Variants in EXTL3 observed in about 807,000 individuals in gnomAD.
The protein encoded by EXTL3 is exostosin like glycosyltransferase 3, also known as exostosin-like 3.
A neutral mutation model predicts 69.3 loss-of-function variants in EXTL3; 27 were observed. That is an observed-to-expected ratio of 0.39 (90% confidence interval 0.29 to 0.54). The LOEUF is 0.54. Among genes scored for constraint, EXTL3 ranks in the 20% least tolerant of loss-of-function variants. The pLI is 0.69. For synonymous variants in EXTL3, 511 were observed against 499.4 expected (o/e 1.02, Z -0.31); for missense variants, 1,003 against 1,231.8 (o/e 0.81, Z 2.78).
intron 1 of EXTL3, among the ~76,000 whole-genome samples, chr8:28,655,836 C>T (rs1005194357): frequency 2.2e-4 from 34 of 152,182 alleles, no homozygotes; most frequent in African/African-American, 7.5e-4. Flanking sequence ...CAAGCCCAGG[C>T]ATCACATTTC....
intron 1 of EXTL3, among the ~76,000 whole-genome samples, chr8:28,676,331 C>G (rs1807381947): frequency 6.6e-6 from 1 of 152,126 alleles, no homozygotes; most frequent in Non-Finnish European, 1.5e-5. Flanking sequence ...GTCTATAGGC[C>G]AGACCTTGTG....
intron 1 of EXTL3, among the ~76,000 whole-genome samples, chr8:28,684,721 A>C (rs1178168523): frequency 1.3e-5 from 2 of 152,166 alleles, no homozygotes; most frequent in African/African-American, 2.4e-5. Context: ...CAGCCTGGGC[A>C]ACAGAGTGAG....
chr8:28,643,031 G>A (rs954547059), intron 1 of EXTL3, among the ~76,000 whole-genome samples: 2 of 152,032 alleles, frequency 1.3e-5, no homozygotes, highest in Non-Finnish European at 1.5e-5. Flanking sequence ...ATCACCTGAG[G>A]GCAGGAGTTG....
intron 1 of EXTL3, among the ~76,000 whole-genome samples, chr8:28,659,747 T>C (rs1449535230): frequency 1.3e-5 from 2 of 152,186 alleles, no homozygotes; most frequent in Non-Finnish European, 1.5e-5. Context: ...AAGAGCTGCT[T>C]TTAAGCTTTT....
intron 2 of EXTL3, among the ~76,000 whole-genome samples, chr8:28,612,274 C>A (rs1350040754): frequency 1.3e-5 from 2 of 151,868 alleles, no homozygotes; most frequent in Non-Finnish European, 2.9e-5. Flanking sequence ...GCCAACATGG[C>A]GAAACCCTGT....
At position 28,722,018 on chromosome 8, in the gene EXTL3, G is replaced by A. The variant is rs139671850; in HGVS notation, c.2148+3811G>A. ...GGTTTTCATTCTCTTCTTCATAAAG[G>A]GTATGGCTAATTGACGCAGGGTGCC... is the stretch of plus-strand genomic sequence containing the variant. On this transcript the variant is annotated intron_variant, in intron 3 of 6. Coordinates refer to ENST00000220562, the MANE Select transcript of EXTL3 (RefSeq NM_001440.4). Among the ~76,000 whole-genome samples the A allele has an allele frequency of 2.0e-4, 31 of 152,240 alleles. No individual in the cohort carries two copies. In the East Asian group the frequency reaches 6.0e-3, roughly 29 times the overall value.
At chr8:28,737,461 C>G in intron 4 of EXTL3, 58 bp from the exon 5 acceptor site, 1 of 1,601,024 alleles carries the variant, frequency 6.2e-7, no homozygotes, top group Non-Finnish European at 8.6e-7. Flanking sequence ...ACTGTGAACA[C>G]TTCTGATGAC....
chr8:28,691,572 A>ATTTTTTT (rs71222571), intron 1 of EXTL3, among the ~76,000 whole-genome samples: 1 of 135,494 alleles, frequency 7.4e-6, no homozygotes, highest in Non-Finnish European at 1.5e-5. Context: ...AGTTTTTGTG[A>ATTTTTTT]TTTTTTTTTT....
intron 1 of EXTL3, among the ~76,000 whole-genome samples, chr8:28,703,362 C>G (rs1221738311): frequency 6.6e-6 from 1 of 152,122 alleles, no homozygotes; most frequent in Non-Finnish European, 1.5e-5. Context: ...GATTAGGCCT[C>G]AAGAGTTTTG....
At chr8:28,644,364 G>C (rs758813431) in intron 1 of EXTL3, among the ~76,000 whole-genome samples, 2 of 152,070 alleles carry the variant, frequency 1.3e-5, no homozygotes, top group Non-Finnish European at 2.9e-5. Flanking sequence ...TGTATGCTTG[G>C]ACATAGAATC....
chr8:28,656,534 A>G (rs570068827), intron 1 of EXTL3, among the ~76,000 whole-genome samples: 2 of 152,268 alleles, frequency 1.3e-5, no homozygotes, highest in African/African-American at 4.8e-5. Flanking sequence ...TATAATTTAT[A>G]ATCAAAAGAG....
Position 28,655,416 on chromosome 8 carries a change from G to T in EXTL3, c.-53+32606G>T, listed in dbSNP as rs574636575. Among the ~76,000 whole-genome samples the T allele has an allele frequency of 2.0e-5, 3 of 151,862 alleles. No homozygotes were observed. The South Asian group carries it at 6.2e-4, about 32-fold the overall frequency. On this transcript the variant is annotated intron_variant, in intron 1 of 6. Coordinates refer to the EXTL3 transcript ENST00000523149. ...GATAGAGCTACATTTAAGCCGGAACGATCTGATTCTGAAACCCATGCTCTT... is the reference window on the plus strand; with the variant it reads ...GATAGAGCTACATTTAAGCCGGAACTATCTGATTCTGAAACCCATGCTCTT...
intron 1 of EXTL3, among the ~76,000 whole-genome samples, chr8:28,712,774 T>C (rs1377247315): frequency 3.9e-5 from 6 of 152,244 alleles, no homozygotes; most frequent in Admixed American, 1.3e-4. Flanking sequence ...TGTTGAATTA[T>C]TGGTTTCTGT....
chr8:28,716,338 C>T lies in EXTL3; in HGVS notation c.279C>T (p.Leu93=), dbSNP rs747499791. ...CRIRESVSEE[L]LQLEAKRQEL... is the part of the protein sequence containing the mutation. ...TCCGGGAGTCGGTGAGTGAAGAGCT[C>T]CTGCAGCTGGAGGCCAAGCGCCAAG... Residue 93 remains leucine, a synonymous_variant, in exon 3 of 7, where the codon CTC becomes CTT. Coordinates refer to ENST00000220562, the MANE Select transcript of EXTL3 (RefSeq NM_001440.4). The surrounding 1 kb of genome is among the most constrained non-coding windows in gnomAD (Gnocchi z 7.1). 1.2e-6 allele frequency: 2 copies of T among 1,614,112 alleles called. No homozygotes were observed. Among genetic ancestry groups the T allele is most frequent in the South Asian group, 1.1e-5 (1 of 91,084 alleles).
At chr8:28,749,679 T>TCATG (rs1801965000) in intron 6 of EXTL3, among the ~76,000 whole-genome samples, 3 of 152,186 alleles carry the variant, frequency 2.0e-5, no homozygotes, top group Non-Finnish European at 2.9e-5. Context: ...CATTGTTTAT[T>TCATG]CATGCATGCA....
intron 2 of EXTL3, among the ~76,000 whole-genome samples, chr8:28,610,392 G>A (rs974724533): frequency 2.0e-5 from 3 of 152,052 alleles, no homozygotes; most frequent in Admixed American, 1.3e-4. Context: ...CTTGCATGCT[G>A]GACAGCCACT....
chr8:28,677,529 A>ATTT (rs1807407545), intron 1 of EXTL3, among the ~76,000 whole-genome samples: 2 of 152,318 alleles, frequency 1.3e-5, no homozygotes. Context: ...TATGATCATT[A>ATTT]TTGCAAAATT....
chr8:28,723,032 TAA>T (rs909726383), intron 3 of EXTL3, among the ~76,000 whole-genome samples: 5 of 152,172 alleles, frequency 3.3e-5, no homozygotes, highest in African/African-American at 9.7e-5. Flanking sequence ...CCTCTCAGGC[TAA>T]GAGGCTTGGC....
chr8:28,740,190 T>C (rs938543350), intron 5 of EXTL3: 1 of 152,240 alleles, frequency 6.6e-6, no homozygotes, highest in African/African-American at 2.4e-5. Context: ...AGGTCCTGTC[T>C]GGGGCGTCAT....
Sources: gnomAD v4.1 joint callset for allele counts (sites outside exome capture counted in the v4.1 genomes callset) on GRCh38, gnomAD v4.1.1 for gene constraint, Gnocchi (gnomAD v3.1) non-coding constraint, MANE v1.5 for transcripts, NCBI Gene and HGNC (gene_info 2026-07-23, HGNC 2026-07-21) for gene names.